Variants in SLC6A16 observed in about 807,000 individuals in gnomAD.
SLC6A16 encodes solute carrier family 6 member 16.
SLC6A16 carries 54 observed loss-of-function variants against 65.4 expected under a neutral mutation model. That is an observed-to-expected ratio of 0.83 (90% CI 0.66 to 1.04). SLC6A16 has a LOEUF of 1.04. SLC6A16 is among the 50% of genes least tolerant of loss of function. The pLI is 0.00. For synonymous variants in SLC6A16, 330 were observed against 346.5 expected (o/e 0.95, Z 0.53); for missense variants, 816 against 914.0 (o/e 0.89, Z 1.38).
chr19:49,307,296 C>A (rs1970409928), intron 7 of SLC6A16, among the ~76,000 whole-genome samples: 1 of 151,492 alleles, frequency 6.6e-6, no homozygotes, highest in Non-Finnish European at 1.5e-5. Flanking sequence ...AAAGTCCAAC[C>A]AAGTTTAATC....
intron 1 of SLC6A16, chr19:49,312,413 G>T: frequency 3.2e-6 from 1 of 315,372 alleles, no homozygotes; most frequent in Non-Finnish European, 4.6e-6. Context: ...TTACTTCATG[G>T]CATTTCTCAT....
upstream of SLC6A16, among the ~76,000 whole-genome samples, chr19:49,329,179 G>A (rs922743489): frequency 2.0e-5 from 3 of 151,810 alleles, no homozygotes; most frequent in African/African-American, 7.3e-5. Context: ...CACAACCTCC[G>A]CCTCCCAGGT....
chr19:49,305,498 G>A (rs568169961), intron 7 of SLC6A16, among the ~76,000 whole-genome samples: 12 of 151,740 alleles, frequency 7.9e-5, no homozygotes, highest in African/African-American at 9.7e-5. Context: ...AAGGTGAGGC[G>A]GGAGAATCGC....
At chr19:49,290,908 T>C (rs1970066359) in intron 10 of SLC6A16, 141 bp from the exon 11 acceptor site, 1 of 754,608 alleles carries the variant, frequency 1.3e-6, no homozygotes, top group Non-Finnish European at 2.1e-6. Context: ...TCCTCTCTCA[T>C]CTTCCCCCTA....
In SLC6A16 at chr19:49,289,676, A is replaced by G. The variant is rs1269329912; in HGVS notation, c.*447T>C. 1 of 168,232 alleles carries G rather than the reference A, an allele frequency of 5.9e-6. No individual in the cohort carries two copies. Among genetic ancestry groups the G allele is most frequent in the Admixed American group, 6.2e-5 (1 of 16,230 alleles). The allele number at this position is 168,232 out of a possible 1,614,324, so 10.4% of individuals were successfully genotyped here. A position where few individuals can be genotyped will look rare whatever the true frequency, so the allele number is the denominator to read the frequency against. On this transcript the variant is annotated 3_prime_UTR_variant, in exon 12 of 12. Transcript: ENST00000335875. ...GTATGTCTTTATTAGCAGTGTGAAA[A>G]TGAACTAATACAGACTGGAAGCCTT...
chr19:49,331,877 A>G, the SLC6A16 span: 1 of 455,732 alleles, frequency 2.2e-6, no homozygotes, highest in Non-Finnish European at 4.4e-6. Flanking sequence ...AGCTGCAGTG[A>G]GCCGTGATTG....
At chr19:49,318,124 T>G (rs1825151021) in intron 1 of SLC6A16, among the ~76,000 whole-genome samples, 1 of 152,042 alleles carries the variant, frequency 6.6e-6, no homozygotes, top group Non-Finnish European at 1.5e-5. Flanking sequence ...AGCCATTAGC[T>G]AAATATCAAC....
chr19:49,305,516 C>G (rs1221987274), intron 7 of SLC6A16, among the ~76,000 whole-genome samples: 2 of 148,822 alleles, frequency 1.3e-5, no homozygotes, highest in Non-Finnish European at 3.0e-5. Context: ...CGCTTGAACC[C>G]GGGAGGCGGA....
intron 1 of SLC6A16, among the ~76,000 whole-genome samples, chr19:49,314,106 A>AATCATAATCATAATCAT (rs56287628): frequency 1.4e-5 from 2 of 141,452 alleles, no homozygotes; most frequent in African/African-American, 5.3e-5. Flanking sequence ...AAAAAAAAAA[A>AATCATAATCATAATCAT]AATCATAATC....
chr19:49,296,476 G>C (rs1568526358), intron 7 of SLC6A16, among the ~76,000 whole-genome samples: 1 of 152,118 alleles, frequency 6.6e-6, no homozygotes, highest in Non-Finnish European at 1.5e-5. Context: ...ATACTGAGTA[G>C]AGCCCAGAAA....
intron 3 of SLC6A16, 36 bp downstream of exon 3, chr19:49,310,317 G>A: frequency 1.2e-6 from 2 of 1,611,798 alleles, no homozygotes; most frequent in East Asian, 2.2e-5. Flanking sequence ...GCGGTGGGGT[G>A]TAAAAGTCAG....
the SLC6A16 span, chr19:49,331,685 G>T: frequency 2.2e-6 from 1 of 446,550 alleles, no homozygotes; most frequent in East Asian, 7.1e-5. Flanking sequence ...TGAGTGAAGG[G>T]AGAAAGAGTA....
the SLC6A16 span, chr19:49,338,986 G>C: frequency 7.1e-7 from 1 of 1,409,668 alleles, no homozygotes; most frequent in African/African-American, 1.4e-5. The surrounding 1 kb of genome is among the most constrained non-coding windows in gnomAD (Gnocchi z 5.0). Flanking sequence ...GGGGCCTGCG[G>C]GAGGGGGAGG....
At position 49,310,146 on chromosome 19, in the gene SLC6A16, C is replaced by T. The variant is rs1228701388; in HGVS notation, c.594G>A (p.Leu198=). 2.5e-6 allele frequency: 4 copies of T among 1,613,898 alleles called. No individual in the cohort carries two copies. Among genetic ancestry groups the T allele is most frequent in the East Asian group, 2.2e-5 (1 of 44,888 alleles). ...TCCAGGAATTGACCACATTGAAGTA[C>T]AGGCCGAGGATGAAGCACACCTGGG... ...SSFMVCFILG[L]YFNVVNSWII... Residue 198 remains leucine, a synonymous_variant, in exon 4 of 12, where the codon CTG becomes CTA. Coordinates refer to ENST00000335875, the MANE Select transcript of SLC6A16 (RefSeq NM_014037.3).
chr19:49,294,219 C>A (rs1970139185), intron 8 of SLC6A16, 148 bp downstream of exon 8: 1 of 901,892 alleles, frequency 1.1e-6, no homozygotes, highest in Admixed American at 2.7e-5. Flanking sequence ...GAAGGCCATT[C>A]CGCAAAGTAT....
At chr19:49,333,533 G>T in the SLC6A16 span, among the ~76,000 whole-genome samples, 2 of 152,204 alleles carry the variant, frequency 1.3e-5, no homozygotes, top group Non-Finnish European at 2.9e-5. Flanking sequence ...TTTGGATACA[G>T]AACTGTGTGG....
chr19:49,313,625 CAAAAAAAAAAAAA>C (rs902187308), intron 1 of SLC6A16, among the ~76,000 whole-genome samples: 2 of 47,386 alleles, frequency 4.2e-5, no homozygotes, highest in Admixed American at 5.0e-4. Context: ...ACTAAAAATG[CAAAAAAAAAAAAA>C]AAAAAAAAAT....
chr19:49,294,616 C>T, intron 7 of SLC6A16, 63 bp from the exon 8 acceptor site: 1 of 1,362,482 alleles, frequency 7.3e-7, no homozygotes, highest in Non-Finnish European at 9.9e-7. Context: ...TCTCCTTTTC[C>T]CTTATCTTCA....
upstream of SLC6A16, among the ~76,000 whole-genome samples, chr19:49,326,740 C>T (rs540216647): frequency 3.7e-4 from 56 of 151,888 alleles, no homozygotes; most frequent in South Asian, 5.0e-3. Flanking sequence ...TATGACAGGC[C>T]GGGCATGGTG....
Sources: allele counts gnomAD v4.1 joint callset (sites outside exome capture counted in the v4.1 genomes callset), GRCh38; gene constraint gnomAD v4.1.1; non-coding constraint Gnocchi (gnomAD v3.1); transcripts MANE v1.5; gene names NCBI Gene and HGNC (gene_info 2026-07-23, HGNC 2026-07-21).